NLGN1: variants seen among roughly 807,000 people sequenced by gnomAD.
The protein encoded by NLGN1 is neuroligin-1.
In NLGN1, 12 loss-of-function variants were observed where a neutral mutation model predicts 65.5. That is an observed-to-expected ratio of 0.18 (90% confidence interval 0.12 to 0.30). The LOEUF is 0.30. Ranked by LOEUF, NLGN1 falls within the 10% of genes least tolerant of loss-of-function variation. NLGN1 has a pLI of 1.00. For missense variants in NLGN1, 750 were observed against 1,007.1 expected (o/e 0.74, Z 3.46); for synonymous variants, 350 against 359.5 (o/e 0.97, Z 0.30).
chr3:173,539,799 T>TATATATGTACATATATAC (rs766904462), intron 2 of NLGN1, among the ~76,000 whole-genome samples: 3,210 of 43,900 alleles, frequency 0.073, 54 homozygotes, highest in Middle Eastern at 0.13. Flanking sequence ...CATATATACA[T>TATATATGTACATATATAC]ATATATACAT....
At chr3:174,171,659 T>C (rs974968463) in intron 4 of NLGN1, among the ~76,000 whole-genome samples, 3 of 152,200 alleles carry the variant, frequency 2.0e-5, no homozygotes, top group African/African-American at 7.2e-5. Context: ...AGAGTTGTCA[T>C]AATACCAGCA....
intron 3 of NLGN1, among the ~76,000 whole-genome samples, chr3:173,803,052 G>A (rs1231098475): frequency 6.6e-6 from 1 of 151,804 alleles, no homozygotes; most frequent in South Asian, 2.1e-4. Context: ...TGTTGGCCAG[G>A]CTGGTCTCGA....
chr3:173,859,779 ATTG>A (rs1420472414), intron 4 of NLGN1, among the ~76,000 whole-genome samples: 2 of 152,014 alleles, frequency 1.3e-5, no homozygotes, highest in Non-Finnish European at 2.9e-5. Context: ...ATTATTCAAG[ATTG>A]TTGTTTTTTT....
chr3:174,083,314 C>T (rs541160642), intron 4 of NLGN1, among the ~76,000 whole-genome samples: 2 of 151,946 alleles, frequency 1.3e-5, no homozygotes, highest in South Asian at 4.2e-4. Context: ...TGGGTATATA[C>T]AAATAATCTT....
At chr3:173,875,187 C>T (rs528626772) in intron 4 of NLGN1, among the ~76,000 whole-genome samples, 1 of 152,298 alleles carries the variant, frequency 6.6e-6, no homozygotes, top group South Asian at 2.1e-4. Context: ...TGTTTGACCA[C>T]TGCGGACATT....
At chr3:174,069,961 T>G (rs1739460652) in intron 4 of NLGN1, among the ~76,000 whole-genome samples, 1 of 152,152 alleles carries the variant, frequency 6.6e-6, no homozygotes, top group Admixed American at 6.6e-5. Context: ...TAAATGACCT[T>G]TATAGTTTGA....
chr3:173,862,117 C>T (rs939969310), intron 4 of NLGN1, among the ~76,000 whole-genome samples: 3 of 151,892 alleles, frequency 2.0e-5, no homozygotes, highest in African/African-American at 7.3e-5. Flanking sequence ...TTAAATCATA[C>T]ACATAACTTC....
chr3:173,822,915 C>T (rs2150545405), intron 4 of NLGN1, among the ~76,000 whole-genome samples: 1 of 151,840 alleles, frequency 6.6e-6, no homozygotes, highest in South Asian at 2.1e-4. Flanking sequence ...GCTTCTGTTA[C>T]AGTCTTTATA....
rs114874004 is a variant in NLGN1, at chr3:173,519,950, T to C, written c.-320-84329T>C. Among the ~76,000 whole-genome samples, 1,005 of 152,202 alleles carry C rather than the reference T, an allele frequency of 6.6e-3. 12 individuals are homozygous for C. Among genetic ancestry groups the C allele is most frequent in the African/African-American group, 0.022 (927 of 41,546 alleles). On this transcript the variant is annotated intron_variant, in intron 2 of 6. Coordinates refer to ENST00000457714, the Ensembl canonical transcript of NLGN1. ...AAATTGTAGTCTGAAGTGTTGGAGGTGGGACCTGGTAGAATCATGGGACGG... is the reference window on the plus strand; with the variant it reads ...AAATTGTAGTCTGAAGTGTTGGAGGCGGGACCTGGTAGAATCATGGGACGG...
At chr3:173,777,360 A>G (rs1273046654) in intron 3 of NLGN1, among the ~76,000 whole-genome samples, 2 of 151,816 alleles carry the variant, frequency 1.3e-5, no homozygotes, top group East Asian at 1.9e-4. Flanking sequence ...TGAAATGACT[A>G]CTTTTTTGTT....
chr3:174,268,225 ATTC>A (rs919508376), intron 4 of NLGN1, among the ~76,000 whole-genome samples: 4 of 152,262 alleles, frequency 2.6e-5, no homozygotes, highest in South Asian at 2.1e-4. Context: ...TAGAAGAGAT[ATTC>A]TTCTTTTTTC....
chr3:174,157,284 C>T (rs1303840358), intron 4 of NLGN1, among the ~76,000 whole-genome samples: 3 of 151,738 alleles, frequency 2.0e-5, no homozygotes, highest in African/African-American at 7.3e-5. Flanking sequence ...CCCAGTGTAA[C>T]TGGTAACCTT....
At chr3:173,975,912 G>A (rs190545903) in intron 4 of NLGN1, among the ~76,000 whole-genome samples, 65 of 152,088 alleles carry the variant, frequency 4.3e-4, no homozygotes, top group Admixed American at 3.4e-3. Context: ...GTTCACTAAT[G>A]TTTCTAAATC....
intron 3 of NLGN1, among the ~76,000 whole-genome samples, chr3:173,624,803 C>G (rs1016450386): frequency 4.6e-5 from 7 of 151,500 alleles, no homozygotes; most frequent in Admixed American, 2.6e-4. Context: ...ATTTATAGCT[C>G]ATAGGTTTTA....
At chr3:173,616,071 T>A (rs1753021426) in intron 3 of NLGN1, among the ~76,000 whole-genome samples, 1 of 151,112 alleles carries the variant, frequency 6.6e-6, no homozygotes, top group Admixed American at 6.6e-5. Flanking sequence ...GCAAGGGGCA[T>A]TGAGGGAACA....
At chr3:173,685,708 T>C (rs932313102) in intron 3 of NLGN1, 26 of 985,200 alleles carry the variant, frequency 2.6e-5, no homozygotes, top group Non-Finnish European at 3.0e-5. Context: ...GTTTGGTAAA[T>C]GATCCCAAGA....
intron 4 of NLGN1, among the ~76,000 whole-genome samples, chr3:174,007,007 G>A (rs905108920): frequency 6.6e-6 from 1 of 152,170 alleles, no homozygotes; most frequent in African/African-American, 2.4e-5. Context: ...GGGAGAGATT[G>A]CAGTGAGCTG....
chr3:174,206,850 C>T (rs1182149498), intron 4 of NLGN1, among the ~76,000 whole-genome samples: 2 of 152,106 alleles, frequency 1.3e-5, no homozygotes, highest in African/African-American at 2.4e-5. Flanking sequence ...CAAAACCCAG[C>T]GCAGGGTCTG....
intron 3 of NLGN1, among the ~76,000 whole-genome samples, chr3:173,689,548 A>C (rs1409774112): frequency 6.6e-6 from 1 of 152,136 alleles, no homozygotes; most frequent in African/African-American, 2.4e-5. Flanking sequence ...TCCTGTAGGC[A>C]CTATTAAATC....
Sources: allele counts gnomAD v4.1 joint callset (sites outside exome capture counted in the v4.1 genomes callset), GRCh38; gene constraint gnomAD v4.1.1; transcripts MANE v1.5; gene names NCBI Gene and HGNC (gene_info 2026-07-23, HGNC 2026-07-21).